The following NRG1 variants were observed in gnomAD, a reference collection of about 807,000 sequenced individuals.
The protein encoded by NRG1 is pro-neuregulin-1, membrane-bound isoform.
A neutral mutation model predicts 63.8 loss-of-function variants in NRG1; 18 were observed. The ratio of observed to expected loss-of-function variants is 0.28; its 90% CI spans 0.19 to 0.42. The LOEUF (loss-of-function observed/expected upper bound fraction) is 0.42, where lower values mean the gene tolerates loss of function less well. Ranked by LOEUF, NRG1 falls within the 10% of genes least tolerant of loss-of-function variation. NRG1 has a pLI of 1.00. For missense variants in NRG1, 762 were observed against 814.7 expected, an observed-to-expected ratio of 0.94 and a Z score of 0.79; for synonymous variants, 302 against 301.3, an observed-to-expected ratio of 1.00 and a Z score of -0.02.
intron 1 of NRG1, among the ~76,000 whole-genome samples, chr8:32,466,948 G>A (rs1467244543): frequency 6.6e-6 from 1 of 151,854 alleles, no homozygotes; most frequent in African/African-American, 2.4e-5. Flanking sequence ...ATTCACATGT[G>A]ATCAATAGTA....
At chr8:32,335,682 A>C (rs57627142) in intron 1 of NRG1, among the ~76,000 whole-genome samples, 23,181 of 152,010 alleles carry the variant, frequency 0.15, 1,958 homozygotes, top group South Asian at 0.22. Context: ...CATAAATGAG[A>C]TTCTGCTTGA....
chr8:32,574,018 T>G (rs915756355), intron 1 of NRG1, among the ~76,000 whole-genome samples: 5 of 152,294 alleles, frequency 3.3e-5, no homozygotes, highest in African/African-American at 1.2e-4. Flanking sequence ...TTCCATGGTG[T>G]GTATGTGCCA....
rs189494085 is a variant in NRG1 at position 31,880,156 on chromosome 8, G to A, written c.37+240725G>A. ...TCAAAGGGCTAAAAGCAGAACTACC[G>A]TTTGACCCAGCAATCCCATTACTGA... is the stretch of plus-strand genomic sequence containing the variant. On this transcript the variant is annotated intron_variant, in intron 1 of 10. Transcript: ENST00000519301. 3.9e-5 allele frequency among the ~76,000 whole-genome samples: 6 copies of A among 152,256 alleles called. No individual in the cohort carries two copies. The East Asian group carries it at 5.8e-4, about 15-fold the overall frequency.
At position 32,412,469 on chromosome 8, in the gene NRG1, T is replaced by TATATAC. The variant is rs1399867985; in HGVS notation, c.38-183354_38-183353insCATATA. On this transcript the variant is annotated intron_variant, in intron 1 of 10. Coordinates refer to the NRG1 transcript ENST00000519301. ...ATATATATACATATATATATATATA[T>TATATAC]ATATATGAACAGATACATCCTATTG... 8.8e-3 allele frequency among the ~76,000 whole-genome samples: 1,162 copies of TATATAC among 132,568 alleles called. 18 individuals are homozygous for TATATAC. Among genetic ancestry groups the TATATAC allele is most frequent in the Non-Finnish European group, 0.015 (899 of 58,382 alleles). 87.0% of individuals were successfully genotyped at this position (132,568 alleles called of 152,430 possible). A position where few individuals can be genotyped will look rare whatever the true frequency, so the allele number is the denominator to read the frequency against.
At chr8:32,198,016 G>A (rs914513132) in intron 1 of NRG1, among the ~76,000 whole-genome samples, 2 of 152,172 alleles carry the variant, frequency 1.3e-5, no homozygotes, top group Non-Finnish European at 2.9e-5. Context: ...ATCCTCCTGA[G>A]GATGAATGAA....
At chr8:32,076,219 A>C (rs1470430425) in intron 1 of NRG1, among the ~76,000 whole-genome samples, 1 of 152,182 alleles carries the variant, frequency 6.6e-6, no homozygotes, top group Non-Finnish European at 1.5e-5. Context: ...AGCTGGTTTC[A>C]GGGGAAACTC....
chr8:32,741,424 C>T (rs916580933), intron 6 of NRG1, among the ~76,000 whole-genome samples: 12 of 152,048 alleles, frequency 7.9e-5, no homozygotes, highest in African/African-American at 2.7e-4. Flanking sequence ...TATCTTTGAA[C>T]ATTAAAAACA....
At chr8:32,109,497 T>C (rs939719317) in intron 1 of NRG1, among the ~76,000 whole-genome samples, 4 of 152,164 alleles carry the variant, frequency 2.6e-5, no homozygotes, top group Non-Finnish European at 5.9e-5. Flanking sequence ...AGAGAATCCA[T>C]GTATTTTGTT....
intron 1 of NRG1, among the ~76,000 whole-genome samples, chr8:32,103,914 C>CAA (rs1830907107): frequency 2.0e-5 from 3 of 152,026 alleles, no homozygotes; most frequent in Non-Finnish European, 1.5e-5. Context: ...TTGATTATAC[C>CAA]AGGCTTACAG....
At chr8:32,760,885 T>A in intron 11 of NRG1, 2 of 996,656 alleles carry the variant, frequency 2.0e-6, no homozygotes, top group South Asian at 4.4e-5. Flanking sequence ...TCAAGGGCTA[T>A]GTCATTGCTG....
intron 1 of NRG1, among the ~76,000 whole-genome samples, chr8:31,935,880 AG>A (rs1463467208): frequency 6.6e-6 from 1 of 152,196 alleles, no homozygotes; most frequent in Non-Finnish European, 1.5e-5. Flanking sequence ...GTTTCACAGT[AG>A]GCTTCCTAAG....
At chr8:32,015,669 A>G (rs556301410) in intron 1 of NRG1, among the ~76,000 whole-genome samples, 1 of 152,308 alleles carries the variant, frequency 6.6e-6, no homozygotes, top group South Asian at 2.1e-4. Context: ...TAAACATAAG[A>G]AAGCTACATA....
At chr8:32,344,447 G>A (rs1586941352) in intron 1 of NRG1, among the ~76,000 whole-genome samples, 1 of 121,776 alleles carries the variant, frequency 8.2e-6, no homozygotes, top group African/African-American at 3.2e-5. Flanking sequence ...GTGTGTGTGT[G>A]TGTGTGTGTG....
At chr8:32,042,790 A>G (rs916338809) in intron 1 of NRG1, among the ~76,000 whole-genome samples, 3 of 152,200 alleles carry the variant, frequency 2.0e-5, no homozygotes, top group Non-Finnish European at 2.9e-5. Flanking sequence ...CATGAAAGTG[A>G]CAGAGGAAGA....
chr8:32,032,746 T>C (rs116320221), intron 1 of NRG1, among the ~76,000 whole-genome samples: 2,560 of 152,314 alleles, frequency 0.017, 46 homozygotes, highest in Middle Eastern at 0.054. Context: ...CTAATGAAAA[T>C]TTCTTTTGCT....
At chr8:32,593,752 G>T (rs1216223917) in intron 1 of NRG1, among the ~76,000 whole-genome samples, 1 of 148,272 alleles carries the variant, frequency 6.7e-6, no homozygotes, top group Non-Finnish European at 1.5e-5. Flanking sequence ...GATAACATGA[G>T]AATTTAGTCT....
At chr8:32,324,432 C>T (rs17631978) in intron 1 of NRG1, among the ~76,000 whole-genome samples, 46,040 of 151,904 alleles carry the variant, frequency 0.3, 7,115 homozygotes, top group South Asian at 0.35. Flanking sequence ...TTTTGAGTAC[C>T]GGGAATTCAG....
intron 1 of NRG1, chr8:32,063,376 C>T (rs1264020899): frequency 6.6e-6 from 1 of 152,104 alleles, no homozygotes; most frequent in African/African-American, 2.4e-5. Context: ...ATTTGTCTGA[C>T]CAATGCTTGG....
exon 12 of NRG1, chr8:32,767,349 A>G (rs1010113345): frequency 6.6e-6 from 1 of 152,180 alleles, no homozygotes; most frequent in African/African-American, 2.4e-5. Flanking sequence ...CGCATGGCTC[A>G]CACTGGTGAA....
Sources: allele counts gnomAD v4.1 joint callset (sites outside exome capture counted in the v4.1 genomes callset), GRCh38; gene constraint gnomAD v4.1.1; transcripts MANE v1.5; gene names NCBI Gene and HGNC (gene_info 2026-07-23, HGNC 2026-07-21).